The following CTNNA3 variants were observed in gnomAD, a reference collection of about 807,000 sequenced individuals.
The protein encoded by CTNNA3 is catenin alpha-3.
Under a neutral mutation model 95.7 loss-of-function variants are expected in CTNNA3, and 76 were observed. That is an observed-to-expected ratio of 0.79 (90% CI 0.66 to 0.96). The LOEUF is 0.96. Among genes scored for constraint, CTNNA3 ranks in the 40% least tolerant of loss-of-function variants. The pLI is 0.00. For missense variants in CTNNA3, 1,191 were observed against 1,089.8 expected (o/e 1.09, Z -1.31); for synonymous variants, 431 against 374.4 (o/e 1.15, Z -1.74).
chr10:67,501,359 C>T (rs1282058390), intron 5 of CTNNA3, among the ~76,000 whole-genome samples: 7 of 152,106 alleles, frequency 4.6e-5, no homozygotes, highest in South Asian at 2.1e-4. Context: ...CTTCCCTTTG[C>T]GGGTAACCCG....
At chr10:66,182,095 A>G (rs1184850215) in intron 13 of CTNNA3, among the ~76,000 whole-genome samples, 1 of 152,180 alleles carries the variant, frequency 6.6e-6, no homozygotes, top group East Asian at 1.9e-4. Context: ...GCCAAATAAT[A>G]AAACAATTCC....
chr10:66,589,915 G>C (rs1843489558), intron 10 of CTNNA3, among the ~76,000 whole-genome samples: 2 of 151,896 alleles, frequency 1.3e-5, no homozygotes, highest in African/African-American at 4.8e-5. Flanking sequence ...CATAAACGCT[G>C]CCTTAACTGT....
chr10:67,715,477 T>C (rs571985171), intron 1 of CTNNA3, among the ~76,000 whole-genome samples: 1 of 152,038 alleles, frequency 6.6e-6, no homozygotes, highest in South Asian at 2.1e-4. Flanking sequence ...TCAAAATGGC[T>C]TGGCACATAA....
At chr10:65,995,469 T>A (rs998989915) in intron 15 of CTNNA3, among the ~76,000 whole-genome samples, 1 of 152,188 alleles carries the variant, frequency 6.6e-6, no homozygotes, top group Non-Finnish European at 1.5e-5. Context: ...TGGCTGTTAG[T>A]GCAGGCTGTG....
intron 6 of CTNNA3, among the ~76,000 whole-genome samples, chr10:67,196,519 A>G (rs1274995425): frequency 6.6e-6 from 1 of 152,112 alleles, no homozygotes; most frequent in Non-Finnish European, 1.5e-5. Flanking sequence ...AACATATTAC[A>G]TTTAAATGGC....
At chr10:66,069,556 A>G in intron 14 of CTNNA3, 67 bp from the exon 15 acceptor site, 2 of 1,171,452 alleles carry the variant, frequency 1.7e-6, no homozygotes, top group Non-Finnish European at 2.4e-6. Context: ...GAATAAGTAG[A>G]TATTATAGGA....
chr10:66,853,634 A>G (rs1843576997), intron 7 of CTNNA3, among the ~76,000 whole-genome samples: 1 of 152,092 alleles, frequency 6.6e-6, no homozygotes, highest in African/African-American at 2.4e-5. Flanking sequence ...ATCTCTAATA[A>G]GTACGAAGTG....
chr10:66,211,585 T>C (rs953673498), intron 13 of CTNNA3, among the ~76,000 whole-genome samples: 1 of 152,180 alleles, frequency 6.6e-6, no homozygotes, highest in Non-Finnish European at 1.5e-5. Flanking sequence ...AGCCTGTGTT[T>C]GAGTTTAAAA....
At position 66,845,725 on chromosome 10, in the gene CTNNA3, A is replaced by AAAAAC. The variant is rs1554862214; in HGVS notation, c.1048-70206_1048-70202dup. Among the ~76,000 whole-genome samples the AAAAAC allele has an allele frequency of 2.0e-3, 197 of 100,364 alleles. 18 individuals carry two copies. Among genetic ancestry groups the AAAAAC allele is most frequent in the African/African-American group, 5.4e-3 (159 of 29,460 alleles). The allele number at this position is 100,364 out of a possible 152,430, so 65.8% of individuals were successfully genotyped here. On this transcript the variant is annotated intron_variant, in intron 7 of 17. Transcript: ENST00000433211. ...TCTCAAAAAAAAAAAAAAAAAAAAA[A>AAAAAC]AAAACTAAAAAGGTGAGATATATAT...
intron 10 of CTNNA3, among the ~76,000 whole-genome samples, chr10:66,571,147 T>G (rs1377618596): frequency 6.6e-6 from 1 of 152,210 alleles, no homozygotes; most frequent in Non-Finnish European, 1.5e-5. Context: ...CTTTCCATTA[T>G]TTCTAGACGG....
intron 5 of CTNNA3, among the ~76,000 whole-genome samples, chr10:67,362,101 C>T (rs1389436592): frequency 1.3e-5 from 2 of 151,906 alleles, no homozygotes; most frequent in East Asian, 1.9e-4. Flanking sequence ...TGATCAATAA[C>T]AAGTTCCAAA....
At chr10:66,088,930 A>C (rs139755293) in intron 14 of CTNNA3, among the ~76,000 whole-genome samples, 58 of 152,138 alleles carry the variant, frequency 3.8e-4, no homozygotes, top group African/African-American at 1.3e-3. Flanking sequence ...TGGGGTGAGG[A>C]GTCATTTCTT....
chr10:67,225,781 GA>G (rs1397174429), intron 5 of CTNNA3, among the ~76,000 whole-genome samples: 1 of 151,378 alleles, frequency 6.6e-6, no homozygotes, highest in East Asian at 1.9e-4. Flanking sequence ...GAAGGAACCA[GA>G]AAAAAAAATC....
At chr10:66,345,063 T>A (rs867400831) in intron 12 of CTNNA3, among the ~76,000 whole-genome samples, 6 of 152,192 alleles carry the variant, frequency 3.9e-5, no homozygotes, top group Middle Eastern at 3.4e-3. Flanking sequence ...GCAAGACTTA[T>A]CTTTATTAAA....
At chr10:67,405,060 C>G (rs1351253936) in intron 5 of CTNNA3, among the ~76,000 whole-genome samples, 4 of 152,168 alleles carry the variant, frequency 2.6e-5, no homozygotes, top group East Asian at 1.9e-4. Context: ...CTGAAGGAAG[C>G]ACTAAATATA....
At chr10:67,756,892 A>G (rs1357461063) in intron 1 of CTNNA3, among the ~76,000 whole-genome samples, 1 of 152,132 alleles carries the variant, frequency 6.6e-6, no homozygotes, top group Non-Finnish European at 1.5e-5. Flanking sequence ...ACAGCTATGT[A>G]AAAAAATATA....
intron 7 of CTNNA3, among the ~76,000 whole-genome samples, chr10:67,011,619 A>T (rs1283394591): frequency 6.6e-6 from 1 of 152,142 alleles, no homozygotes; most frequent in East Asian, 1.9e-4. Flanking sequence ...TTTTAGTAGA[A>T]TTTCACCCTA....
At chr10:67,622,076 A>G (rs1843865404) in intron 2 of CTNNA3, among the ~76,000 whole-genome samples, 1 of 152,180 alleles carries the variant, frequency 6.6e-6, no homozygotes, top group African/African-American at 2.4e-5. Context: ...AGTATCTCAT[A>G]AGACAAGTTA....
At chr10:67,004,467 T>TG (rs1851861591) in intron 7 of CTNNA3, among the ~76,000 whole-genome samples, 2 of 151,192 alleles carry the variant, frequency 1.3e-5, no homozygotes, top group Admixed American at 1.3e-4. Flanking sequence ...ACTTCATCTC[T>TG]GTTAGCTTTT....
Sources: gnomAD v4.1 joint callset for allele counts (sites outside exome capture counted in the v4.1 genomes callset) on GRCh38, gnomAD v4.1.1 for gene constraint, MANE v1.5 for transcripts, NCBI Gene and HGNC (gene_info 2026-07-23, HGNC 2026-07-21) for gene names.